The following CCDC178 variants were observed in gnomAD, a reference collection of about 807,000 sequenced individuals.
The protein encoded by CCDC178 is coiled-coil domain containing 178, also known as coiled-coil domain-containing protein 178.
A neutral mutation model predicts 117.4 loss-of-function variants in CCDC178; 126 were observed. That is an observed-to-expected ratio of 1.07 (90% CI 0.93 to 1.24). The LOEUF (loss-of-function observed/expected upper bound fraction) is 1.24, where lower values mean the gene tolerates loss of function less well. CCDC178 is among the 50% of genes most tolerant of loss of function. The pLI is 0.00. For synonymous variants in CCDC178, 283 were observed against 313.4 expected, an observed-to-expected ratio of 0.90 and a Z score of 1.02; for missense variants, 1,030 against 986.9, an observed-to-expected ratio of 1.04 and a Z score of -0.59.
rs150997055 is a variant in CCDC178, at chr18:33,053,258, G to A, written c.2388+39503C>T. Among the ~76,000 whole-genome samples the A allele has an allele frequency of 1.3e-3, 200 of 152,172 alleles. 1 individual carries two copies. The highest frequency in any genetic ancestry group is 4.4e-3 in the African/African-American group (184 of 41,512). On this transcript the variant is annotated intron_variant, in intron 21 of 22. Coordinates refer to ENST00000383096, the MANE Select transcript of CCDC178 (RefSeq NM_001105528.4). ...ACCTACTGAGATGGCTTTCCCTACG[G>A]ATTTGTTTCATTACCCCAAATCACT...
intron 21 of CCDC178, among the ~76,000 whole-genome samples, chr18:33,035,488 T>C (rs1043084154): frequency 1.3e-5 from 2 of 151,980 alleles, no homozygotes; most frequent in African/African-American, 4.8e-5. Flanking sequence ...CTTGAAAACA[T>C]TATGCTAAGT....
intron 1 of CCDC178, chr18:33,440,347 A>C (rs1438813570): frequency 2.4e-5 from 1 of 41,742 alleles, no homozygotes; most frequent in Non-Finnish European, 4.5e-5. Flanking sequence ...GACTGGGGAC[A>C]GGGGTTGGAG....
chr18:33,153,165 T>A (rs2058359493), intron 20 of CCDC178, among the ~76,000 whole-genome samples: 1 of 147,996 alleles, frequency 6.8e-6, no homozygotes, highest in African/African-American at 2.5e-5. Context: ...TAACATATAT[T>A]ATATATTATA....
intron 21 of CCDC178, among the ~76,000 whole-genome samples, chr18:33,035,691 T>G (rs1057309091): frequency 2.0e-5 from 3 of 152,018 alleles, no homozygotes; most frequent in African/African-American, 7.2e-5. Context: ...AGGGATCTAT[T>G]GTATAGCATG....
At chr18:33,113,466 C>T (rs778733678) in intron 20 of CCDC178, among the ~76,000 whole-genome samples, 88 of 151,974 alleles carry the variant, frequency 5.8e-4, no homozygotes, top group Non-Finnish European at 9.3e-4. Flanking sequence ...TCTGAGGACA[C>T]TTGATATCTT....
chr18:33,145,686 A>T (rs909863101), intron 20 of CCDC178, among the ~76,000 whole-genome samples: 16 of 152,196 alleles, frequency 1.1e-4, no homozygotes, highest in Admixed American at 3.3e-4. Context: ...CACATAAAAA[A>T]ATTTGAGGCC....
intron 12 of CCDC178, among the ~76,000 whole-genome samples, chr18:33,283,044 C>G (rs1716415456): frequency 6.6e-6 from 1 of 152,194 alleles, no homozygotes; most frequent in Admixed American, 6.5e-5. Flanking sequence ...ATTGCCTCTG[C>G]CACTGTGGTG....
At chr18:33,341,941 A>G (rs1395141420) in intron 9 of CCDC178, among the ~76,000 whole-genome samples, 1 of 152,194 alleles carries the variant, frequency 6.6e-6, no homozygotes, top group East Asian at 1.9e-4. Context: ...AAACTCAGTA[A>G]ATGACCCTGG....
At chr18:33,108,303 T>TCTC (rs36065962) in intron 20 of CCDC178, among the ~76,000 whole-genome samples, 24,184 of 151,490 alleles carry the variant, frequency 0.16, 2,679 homozygotes, top group African/African-American at 0.32. Context: ...GTTTTTCAAA[T>TCTC]CTATTAAAAT....
rs544218499 is a variant in CCDC178, at chr18:32,958,974, G to A, written c.2523+15573C>T. 1.3e-4 allele frequency among the ~76,000 whole-genome samples: 20 copies of A among 152,254 alleles called. No homozygotes were observed. The South Asian group carries it at 2.7e-3, about 20-fold the overall frequency. Reference sequence around the variant, plus strand: ...TATGAGTCTCTGGACCCGTAACTCAGCTCTCTACAATTCAGTTACCAAATC... The same window carrying A: ...TATGAGTCTCTGGACCCGTAACTCAACTCTCTACAATTCAGTTACCAAATC... On this transcript the variant is annotated intron_variant, in intron 22 of 22. Coordinates refer to ENST00000383096, the MANE Select transcript of CCDC178 (RefSeq NM_001105528.4).
intron 3 of CCDC178, among the ~76,000 whole-genome samples, chr18:33,408,255 T>C (rs2063807308): frequency 6.6e-6 from 1 of 151,804 alleles, no homozygotes; most frequent in Non-Finnish European, 1.5e-5. Flanking sequence ...ATAAAAAAAA[T>C]TAATGGCAAA....
intron 2 of CCDC178, among the ~76,000 whole-genome samples, chr18:33,422,563 T>C (rs1406523251): frequency 6.6e-6 from 1 of 152,194 alleles, no homozygotes; most frequent in Admixed American, 6.5e-5. Context: ...AGCCACAGTA[T>C]CACCTGAGAT....
rs1598904495 is a variant in CCDC178 at position 33,121,016 on chromosome 18, C to G, written c.2239-28106G>C. 3.3e-5 allele frequency among the ~76,000 whole-genome samples: 5 copies of G among 152,170 alleles called. 1 individual carries two copies. In the South Asian group the frequency reaches 1.0e-3, roughly 32 times the overall value. The stretch of plus-strand genomic sequence containing the variant: ...AAGCCATATATGAGTGATAAGTTGA[C>G]ACGAGGTGGACTGTGACTGATTTTT... On this transcript the variant is annotated intron_variant, in intron 20 of 22. Coordinates refer to ENST00000383096, the MANE Select transcript of CCDC178 (RefSeq NM_001105528.4).
chr18:33,126,171 G>A (rs1424874297), intron 20 of CCDC178, among the ~76,000 whole-genome samples: 1 of 151,978 alleles, frequency 6.6e-6, no homozygotes, highest in Non-Finnish European at 1.5e-5. Flanking sequence ...GGTTTGGATG[G>A]TGTCCGTAGA....
intron 11 of CCDC178, among the ~76,000 whole-genome samples, chr18:33,315,120 CCCT>C (rs2062398563): frequency 3.3e-5 from 5 of 152,202 alleles, no homozygotes; most frequent in Admixed American, 2.0e-4. Context: ...CATGAGTTTA[CCCT>C]CTGCAACCTC....
At chr18:33,216,257 G>A (rs1275171048) in intron 18 of CCDC178, among the ~76,000 whole-genome samples, 1 of 151,958 alleles carries the variant, frequency 6.6e-6, no homozygotes, top group South Asian at 2.1e-4. Flanking sequence ...CAAACATGTC[G>A]TCACTGGTTT....
intron 5 of CCDC178, among the ~76,000 whole-genome samples, chr18:33,377,986 A>G (rs2063387461): frequency 6.6e-6 from 1 of 152,224 alleles, no homozygotes; most frequent in Non-Finnish European, 1.5e-5. Context: ...GTAAAAAATG[A>G]CATTGGTAAC....
chr18:33,033,889 G>A (rs2056392586), intron 21 of CCDC178, among the ~76,000 whole-genome samples: 1 of 151,406 alleles, frequency 6.6e-6, no homozygotes, highest in Admixed American at 6.6e-5. Context: ...GACTTATTCT[G>A]CTAATTACAC....
intron 21 of CCDC178, among the ~76,000 whole-genome samples, chr18:33,092,263 C>A (rs1338481543): frequency 1.3e-5 from 2 of 151,986 alleles, no homozygotes. Context: ...TTTCCACTTA[C>A]CATTACAGAA....
Sources: allele counts gnomAD v4.1 joint callset (sites outside exome capture counted in the v4.1 genomes callset), GRCh38; gene constraint gnomAD v4.1.1; transcripts MANE v1.5; gene names NCBI Gene and HGNC (gene_info 2026-07-23, HGNC 2026-07-21).